KCNIP3: variants seen among roughly 807,000 people sequenced by gnomAD.
The protein encoded by KCNIP3 is potassium voltage-gated channel interacting protein 3, also known as calsenilin.
KCNIP3 carries 28 observed loss-of-function variants against 35.0 expected under a neutral mutation model. That is an observed-to-expected ratio of 0.80 (90% CI 0.59 to 1.10). The LOEUF (loss-of-function observed/expected upper bound fraction) is 1.10, where lower values mean the gene tolerates loss of function less well. Among genes scored for constraint, KCNIP3 ranks in the 50% least tolerant of loss-of-function variants. The probability of loss-of-function intolerance (pLI) is 0.00; values close to 1 mark genes in which losing one functional copy is unlikely to be tolerated. For synonymous variants in KCNIP3, 134 were observed against 133.8 expected (o/e 1.00, Z -0.01); for missense variants, 295 against 338.4 (o/e 0.87, Z 1.01).
chr2:95,344,785 C>T (rs1458163482), intron 2 of KCNIP3, among the ~76,000 whole-genome samples: 4 of 152,216 alleles, frequency 2.6e-5, no homozygotes, highest in Non-Finnish European at 5.9e-5. Flanking sequence ...GCATCTCATT[C>T]CATCCTTTCA....
At chr2:95,339,850 G>A (rs1679149554) in intron 2 of KCNIP3, among the ~76,000 whole-genome samples, 1 of 152,082 alleles carries the variant, frequency 6.6e-6, no homozygotes, top group Non-Finnish European at 1.5e-5. Flanking sequence ...TTCTCCCTGG[G>A]TGAGAGTTCT....
chr2:95,343,392 C>G (rs1679265392), intron 2 of KCNIP3, among the ~76,000 whole-genome samples: 1 of 152,280 alleles, frequency 6.6e-6, no homozygotes, highest in South Asian at 2.1e-4. Context: ...TTGAATAATG[C>G]CTGCTTTGCC....
At chr2:95,334,414 G>T (rs1679006922) in intron 2 of KCNIP3, among the ~76,000 whole-genome samples, 1 of 152,176 alleles carries the variant, frequency 6.6e-6, no homozygotes, top group Non-Finnish European at 1.5e-5. Flanking sequence ...GGAAACTGAG[G>T]CTCAAGGAGG....
intron 2 of KCNIP3, among the ~76,000 whole-genome samples, chr2:95,342,367 G>A (rs1462563263): frequency 6.6e-6 from 1 of 152,212 alleles, no homozygotes; most frequent in Non-Finnish European, 1.5e-5. Flanking sequence ...GAAGAGATAA[G>A]TCATGTTGAA....
Position 95,337,189 on chromosome 2 carries a change from G to A in KCNIP3, c.181+26669G>A, listed in dbSNP as rs1679081426. Among the ~76,000 whole-genome samples the A allele has an allele frequency of 2.0e-5, 3 of 152,096 alleles. No homozygotes were observed. In the South Asian group the frequency reaches 6.2e-4, roughly 32 times the overall value. On this transcript the variant is annotated intron_variant, in intron 2 of 8. Transcript: ENST00000295225. ...GGAGACCTTGTATGCCCAGCATTTT[G>A]GAGAATATACTCAAGGATAAAGATG...
At chr2:95,346,388 G>A (rs1679360243) in intron 2 of KCNIP3, among the ~76,000 whole-genome samples, 1 of 151,414 alleles carries the variant, frequency 6.6e-6, no homozygotes, top group African/African-American at 2.4e-5. Flanking sequence ...GGCCTCCAGG[G>A]GCTGGCGGAG....
chr2:95,305,924 G>C (rs1278658783), intron 1 of KCNIP3, among the ~76,000 whole-genome samples: 2 of 152,174 alleles, frequency 1.3e-5, no homozygotes, highest in African/African-American at 4.8e-5. Flanking sequence ...TCCAGTATGG[G>C]GCCGTTCCAA....
At chr2:95,315,034 G>A (rs1451345874) in intron 2 of KCNIP3, among the ~76,000 whole-genome samples, 3 of 152,160 alleles carry the variant, frequency 2.0e-5, no homozygotes, top group African/African-American at 4.8e-5. Flanking sequence ...GGACGGGGAC[G>A]GGAGCCTGTG....
intron 2 of KCNIP3, among the ~76,000 whole-genome samples, chr2:95,315,133 A>G (rs1678420997): frequency 6.6e-6 from 1 of 151,830 alleles, no homozygotes; most frequent in African/African-American, 2.4e-5. Context: ...GTGATGGGGG[A>G]GGTGCTGGCA....
intron 2 of KCNIP3, among the ~76,000 whole-genome samples, chr2:95,352,818 G>A (rs1160162510): frequency 6.6e-6 from 1 of 152,186 alleles, no homozygotes; most frequent in African/African-American, 2.4e-5. Context: ...ACCTTCCTTG[G>A]TCATCACAAC....
At chr2:95,339,053 G>A (rs1679130170) in intron 2 of KCNIP3, among the ~76,000 whole-genome samples, 1 of 152,216 alleles carries the variant, frequency 6.6e-6, no homozygotes, top group Admixed American at 6.5e-5. Context: ...GGAAGCTGAT[G>A]CTCTTTACTT....
In KCNIP3 at chr2:95,374,982, C is replaced by T. The variant is rs912787304; in HGVS notation, c.376+65C>T. On this transcript the variant is annotated intron_variant, in intron 4 of 8. Coordinates refer to ENST00000295225, the MANE Select transcript of KCNIP3 (RefSeq NM_013434.5). ...GGAGGGAGGGGACCCTCCTGCTGCC[C>T]CTTGCATCCTGGAGGCTTGGTGCTG... The T allele has an allele frequency of 7.0e-6, 11 of 1,566,232 alleles. No individual in the cohort carries two copies. The African/African-American group carries it at 9.5e-5, about 13-fold the overall frequency.
At chr2:95,342,900 G>A (rs1199156168) in intron 2 of KCNIP3, among the ~76,000 whole-genome samples, 5 of 152,208 alleles carry the variant, frequency 3.3e-5, no homozygotes, top group African/African-American at 4.8e-5. Context: ...ATTGGGGTGT[G>A]GTCACCAGCC....
chr2:95,338,869 C>G (rs1679125065), intron 2 of KCNIP3, among the ~76,000 whole-genome samples: 1 of 152,162 alleles, frequency 6.6e-6, no homozygotes, highest in Admixed American at 6.5e-5. Flanking sequence ...CAAATGGCAA[C>G]AGGTATTCTT....
Position 95,381,641 on chromosome 2 carries a change from G to A in KCNIP3, c.493G>A (p.Glu165Lys), listed in dbSNP as rs768208163. ...LSILLRGTVH[E>K]KLKWAFNLYD... The stretch of plus-strand genomic sequence containing the variant: ...CATCCTGCTGCGGGGCACAGTCCAC[G>A]AGAAGCTCAAGTGGGCCTTTAATCT... Residue 165 changes from glutamate (E) to lysine (K), a missense_variant, in exon 6 of 9, where the codon GAG becomes AAG. Coordinates refer to ENST00000295225, the MANE Select transcript of KCNIP3 (RefSeq NM_013434.5). 26 of 1,614,008 alleles carry A rather than the reference G, an allele frequency of 1.6e-5. No homozygotes were observed. The highest frequency in any genetic ancestry group is 2.0e-5 in the Non-Finnish European group (24 of 1,180,000).
intron 2 of KCNIP3, among the ~76,000 whole-genome samples, chr2:95,369,955 G>T (rs1692482390): frequency 6.6e-6 from 1 of 152,016 alleles, no homozygotes; most frequent in African/African-American, 2.4e-5. Flanking sequence ...GTATTGTTTT[G>T]TTCAAGCTTA....
intron 2 of KCNIP3, chr2:95,311,437 G>C (rs990048657): frequency 6.6e-6 from 1 of 152,260 alleles, no homozygotes; most frequent in Non-Finnish European, 1.5e-5. Flanking sequence ...CATCTTGTTT[G>C]CTCTCTTGGA....
Position 95,377,453 on chromosome 2 carries a change from G to A in KCNIP3, c.447+2245G>A, listed in dbSNP as rs559968891. ...CACCCCCTCGCTGAGCACCTGCTCC[G>A]GGCTCTGCCGGGAGACCCTCCTGTG... is the stretch of plus-strand genomic sequence containing the variant. On this transcript the variant is annotated intron_variant, in intron 5 of 8. Transcript: ENST00000295225. This position sits in a 1 kb window ranked among gnomAD's most constrained non-coding sequence, Gnocchi z 4.7. 9.8e-5 allele frequency among the ~76,000 whole-genome samples: 15 copies of A among 152,334 alleles called. No individual in the cohort carries two copies. The highest frequency in any genetic ancestry group is 3.1e-4 in the African/African-American group (13 of 41,564).
chr2:95,366,500 C>A (rs1679920474), intron 2 of KCNIP3, among the ~76,000 whole-genome samples: 1 of 151,968 alleles, frequency 6.6e-6, no homozygotes, highest in Non-Finnish European at 1.5e-5. Context: ...TAAACATTTG[C>A]CTAAAGTTGA....
Sources: allele counts gnomAD v4.1 joint callset (sites outside exome capture counted in the v4.1 genomes callset), GRCh38; gene constraint gnomAD v4.1.1; non-coding constraint Gnocchi (gnomAD v3.1); transcripts MANE v1.5; gene names NCBI Gene and HGNC (gene_info 2026-07-23, HGNC 2026-07-21).